GJB3: variants seen among roughly 807,000 people sequenced by gnomAD.
GJB3 encodes the protein gap junction beta-3 protein.
Under a neutral mutation model 8.1 loss-of-function variants are expected in GJB3, and 6 were observed. That is an observed-to-expected ratio of 0.75 (90% CI 0.41 to 1.47). The LOEUF is 1.47. Among genes scored for constraint, GJB3 ranks in the 40% most tolerant of loss-of-function variants. GJB3 has a pLI of 0.02. For missense variants in GJB3, 348 were observed against 365.6 expected, an observed-to-expected ratio of 0.95 and a Z score of 0.39; for synonymous variants, 137 against 156.4, an observed-to-expected ratio of 0.88 and a Z score of 0.93.
chr1:34,785,068 G>A lies in GJB3; in HGVS notation c.306G>A (p.Glu102=), dbSNP rs368141991. 6.2e-7 allele frequency: 1 copy of A among 1,614,124 alleles called. No individual in the cohort carries two copies. The highest frequency in any genetic ancestry group is 8.5e-7 in the Non-Finnish European group (1 of 1,180,040). ...ILHVAYREER[E]RRHRQKHGDQ... Reference sequence around the variant, plus strand: ...ACGTGGCCTACCGTGAGGAGCGGGAGCGCCGGCACCGCCAGAAACACGGGG... The same window carrying A: ...ACGTGGCCTACCGTGAGGAGCGGGAACGCCGGCACCGCCAGAAACACGGGG... Residue 102 remains glutamate, a synonymous_variant, in exon 2 of 2, where the codon GAG becomes GAA. Transcript: ENST00000373366. The surrounding 1 kb of genome is among the most constrained non-coding windows in gnomAD (Gnocchi z 4.7).
In GJB3 at chr1:34,784,729, TTC is replaced by T; in HGVS notation, c.-25-4_-25-3del. On this transcript the variant is annotated splice_region_variant and splice_polypyrimidine_tract_variant and intron_variant, in intron 1 of 1. Coordinates refer to ENST00000373366, the MANE Select transcript of GJB3 (RefSeq NM_024009.3). ...ATTCATACGATGGTTTTTCCTCTAA[TTC>T]TCTCAGGTAGGCACGGCCCCCACCA... 6.4e-7 allele frequency: 1 copy of T among 1,573,670 alleles called. No homozygotes were observed. Among genetic ancestry groups the T allele is most frequent in the Non-Finnish European group, 8.7e-7 (1 of 1,145,140 alleles).
rs117385606 is a variant in GJB3 at position 34,785,342 on chromosome 1, G to A, written c.580G>A (p.Ala194Thr). The A allele has an allele frequency of 4.0e-4, 645 of 1,613,812 alleles. No individual in the cohort carries two copies. The East Asian group carries it at 7.4e-3, about 19-fold the overall frequency. The part of the protein sequence containing the change: ...KKIFTYFMVG[A>T]SAVCIVLTIC... The stretch of plus-strand genomic sequence containing the variant: ...AATCTTCACCTACTTCATGGTGGGC[G>A]CCTCCGCCGTCTGCATCGTACTCAC... The change falls in exon 2 of 2, where the codon GCC becomes ACC. Residue 194 changes from alanine to threonine, a missense_variant. Transcript: ENST00000373366. This position sits in a 1 kb window ranked among gnomAD's most constrained non-coding sequence, Gnocchi z 4.7.
At chr1:34,783,108 C>T (rs896584320) in intron 1 of GJB3, among the ~76,000 whole-genome samples, 1 of 152,104 alleles carries the variant, frequency 6.6e-6, no homozygotes, top group East Asian at 1.9e-4. Context: ...ATTAGGTGGG[C>T]ATAGTGGTGT....
In GJB3 at chr1:34,784,869, A is replaced by G. The variant is rs1365567703; in HGVS notation, c.107A>G (p.Tyr36Cys). Reference sequence around the variant, plus strand: ...GTGTTCGTCTTCCGGGTGCTGGTATACGTGGTGGCTGCAGAGCGCGTGTGG... The same window carrying G: ...GTGTTCGTCTTCCGGGTGCTGGTATGCGTGGTGGCTGCAGAGCGCGTGTGG... Reference protein sequence around the residue: ...SVVFVFRVLVYVVAAERVWGD... With the variant: ...SVVFVFRVLVCVVAAERVWGD... The change falls in exon 2 of 2, where the codon TAC (tyrosine) becomes TGC (cysteine). Residue 36 changes from tyrosine (Y) to cysteine (C), a missense_variant. Physicochemically the swap from Tyr to Cys is radical, Grantham distance 194. Coordinates refer to ENST00000373366, the MANE Select transcript of GJB3 (RefSeq NM_024009.3). The G allele has an allele frequency of 6.2e-7, 1 of 1,614,042 alleles. No homozygotes were observed. Among genetic ancestry groups the G allele is most frequent in the Non-Finnish European group, 8.5e-7 (1 of 1,180,024 alleles).
Position 34,781,534 on chromosome 1 carries a change from GCCC to G in GJB3, c.-267_-265del, listed in dbSNP as rs1292269501. ...GACAGCCCAGCCCATGGCCACCGATGCCCCCATTTCACGCCTGAGGAAGCGGAG... is the reference window on the plus strand; with the variant it reads ...GACAGCCCAGCCCATGGCCACCGATGCCATTTCACGCCTGAGGAAGCGGAG... On this transcript the variant is annotated 5_prime_UTR_variant, in exon 1 of 2. Transcript: ENST00000373366. This position sits in a 1 kb window ranked among gnomAD's most constrained non-coding sequence, Gnocchi z 6.2. 5 of 152,382 alleles carry G rather than the reference GCCC, an allele frequency of 3.3e-5. No individual in the cohort carries two copies. Among genetic ancestry groups the G allele is most frequent in the Admixed American group, 1.3e-4 (2 of 15,290 alleles). The allele number at this position is 152,382 out of a possible 1,614,324, so 9.4% of individuals were successfully genotyped here.
intron 1 of GJB3, among the ~76,000 whole-genome samples, chr1:34,783,754 G>C (rs1230948000): frequency 6.6e-6 from 1 of 152,152 alleles, no homozygotes; most frequent in East Asian, 1.9e-4. Flanking sequence ...CAGCAGCACA[G>C]AAACAAGGCA....
At position 34,781,666 on chromosome 1, in the gene GJB3, G is replaced by C. The variant is rs1640011649; in HGVS notation, c.-138G>C. On this transcript the variant is annotated 5_prime_UTR_variant, in exon 1 of 2. Transcript: ENST00000373366. This position sits in a 1 kb window ranked among gnomAD's most constrained non-coding sequence, Gnocchi z 6.2. ...CTGCTCCCTCCTCCGCGCCGCCCGGGGTGTGCCCGCCGTCTGTGTGCACCA... is the reference window on the plus strand; with the variant it reads ...CTGCTCCCTCCTCCGCGCCGCCCGGCGTGTGCCCGCCGTCTGTGTGCACCA... The C allele has an allele frequency of 6.6e-6, 1 of 152,628 alleles. No individual in the cohort carries two copies. The highest frequency in any genetic ancestry group is 2.4e-5 in the African/African-American group (1 of 41,462). 9.5% of individuals were successfully genotyped at this position (152,628 alleles called of 1,614,324 possible).
At position 34,781,650 on chromosome 1, in the gene GJB3, C is replaced by T. The variant is rs892259346; in HGVS notation, c.-154C>T. ...AGGAGCCGGCTCCCTCCTGCTCCCT[C>T]CTCCGCGCCGCCCGGGGTGTGCCCG... On this transcript the variant is annotated 5_prime_UTR_variant, in exon 1 of 2. Coordinates refer to ENST00000373366, the MANE Select transcript of GJB3 (RefSeq NM_024009.3). The surrounding 1 kb of genome is among the most constrained non-coding windows in gnomAD (Gnocchi z 6.2). 4 of 152,622 alleles carry T rather than the reference C, an allele frequency of 2.6e-5. No individual in the cohort carries two copies. Among genetic ancestry groups the T allele is most frequent in the African/African-American group, 9.6e-5 (4 of 41,462 alleles). 9.5% of individuals were successfully genotyped at this position (152,622 alleles called of 1,614,324 possible).
At chr1:34,782,740 C>T (rs1191609811) in intron 1 of GJB3, among the ~76,000 whole-genome samples, 1 of 152,070 alleles carries the variant, frequency 6.6e-6, no homozygotes, top group Non-Finnish European at 1.5e-5. Flanking sequence ...CCAGAGGAAA[C>T]GCAGCCAGGA....
intron 1 of GJB3, among the ~76,000 whole-genome samples, chr1:34,783,382 T>C (rs1165622207): frequency 3.3e-5 from 5 of 152,122 alleles, no homozygotes; most frequent in Admixed American, 3.3e-4. Context: ...TCCACCCATG[T>C]GAGGTTCTGG....
In GJB3 at chr1:34,785,103, C is replaced by T. The variant is rs770903071; in HGVS notation, c.341C>T (p.Ala114Val). The change falls in exon 2 of 2, where the codon GCC becomes GTC. Residue 114 changes from alanine (A) to valine (V), a missense_variant. Transcript: ENST00000373366. The surrounding 1 kb of genome is among the most constrained non-coding windows in gnomAD (Gnocchi z 4.7). ...CGCCAGAAACACGGGGACCAGTGCG[C>T]CAAGCTGTACGACAACGCAGGCAAG... ...RHRQKHGDQC[A>V]KLYDNAGKKH... 1.5e-4 allele frequency: 241 copies of T among 1,613,872 alleles called. No individual in the cohort carries two copies. Among genetic ancestry groups the T allele is most frequent in the Non-Finnish European group, 1.9e-4 (227 of 1,179,972 alleles).
chr1:34,782,363 GC>G (rs1310811968), intron 1 of GJB3: 1 of 152,250 alleles, frequency 6.6e-6, no homozygotes, highest in East Asian at 1.9e-4. Context: ...GGTGGAAGCA[GC>G]CGTCAGGGTC....
chr1:34,785,561 C>G lies in GJB3; in HGVS notation c.799C>G (p.Leu267Val). ...CAAGCTGCAGGCTTCAGCACCCAAC[C>G]TGACCCCCATCTGACCACAGGGCAG... is the stretch of plus-strand genomic sequence containing the variant. ...NNKLQASAPN[L>V]TPI The change falls in exon 2 of 2, where the codon CTG becomes GTG. Residue 267 changes from leucine to valine, a missense_variant. By Grantham distance (32) the Leu-to-Val change is conservative (BLOSUM62 1). Transcript: ENST00000373366. The surrounding 1 kb of genome is among the most constrained non-coding windows in gnomAD (Gnocchi z 4.7). 6.2e-7 allele frequency: 1 copy of G among 1,613,942 alleles called. No homozygotes were observed. The highest frequency in any genetic ancestry group is 8.5e-7 in the Non-Finnish European group (1 of 1,179,890).
In GJB3 at chr1:34,781,969, A is replaced by G. The variant is rs1475009684; in HGVS notation, c.-26+191A>G. ...CCTCTCGCCTCTCAATTCTGGGCCC[A>G]TTAGGGGTCCCGGCTGCGGGAAGGT... On this transcript the variant is annotated intron_variant, in intron 1 of 1. Coordinates refer to ENST00000373366, the MANE Select transcript of GJB3 (RefSeq NM_024009.3). The surrounding 1 kb of genome is among the most constrained non-coding windows in gnomAD (Gnocchi z 6.2). 2.6e-5 allele frequency among the ~76,000 whole-genome samples: 4 copies of G among 152,118 alleles called. No homozygotes were observed. The highest frequency in any genetic ancestry group is 6.5e-5 in the Admixed American group (1 of 15,288).
chr1:34,782,382 GCT>G (rs980601057), intron 1 of GJB3: 2 of 152,176 alleles, frequency 1.3e-5, no homozygotes, highest in Admixed American at 6.5e-5. Flanking sequence ...GTCCCTCTCT[GCT>G]CTCTGTCCGG....
At chr1:34,782,861 C>T (rs541408426) in intron 1 of GJB3, among the ~76,000 whole-genome samples, 84 of 152,226 alleles carry the variant, frequency 5.5e-4, no homozygotes, top group Non-Finnish European at 8.1e-4. Flanking sequence ...TGCCCACCCT[C>T]CTGTCCCCTC....
At position 34,785,628 on chromosome 1, in the gene GJB3, G is replaced by A. The variant is rs476220; in HGVS notation, c.*53G>A. 606,949 of 1,425,270 alleles carry A rather than the reference G, an allele frequency of 0.43. 134,629 individuals carry two copies. The highest frequency in any genetic ancestry group is 0.62 in the African/African-American group (44,166 of 71,080). 88.3% of individuals were successfully genotyped at this position (1,425,270 alleles called of 1,614,324 possible). ...GGGCTGCCAATGGGACATGCAGGGC[G>A]GTGTGGCAGGTGGAGAGGTCCTACA... is the stretch of plus-strand genomic sequence containing the variant. On this transcript the variant is annotated 3_prime_UTR_variant, in exon 2 of 2. Transcript: ENST00000373366. This position sits in a 1 kb window ranked among gnomAD's most constrained non-coding sequence, Gnocchi z 4.7.
intron 1 of GJB3, among the ~76,000 whole-genome samples, chr1:34,783,891 G>A (rs1019177757): frequency 1.3e-5 from 2 of 152,140 alleles, no homozygotes; most frequent in Non-Finnish European, 2.9e-5. Flanking sequence ...TGTGGCTGGG[G>A]GTGGCTGGGC....
In GJB3 at chr1:34,785,045, G is replaced by T; in HGVS notation, c.283G>T (p.Val95Leu). The change falls in exon 2 of 2, where the codon GTG becomes TTG. Residue 95 changes from valine to leucine, a missense_variant. By Grantham distance (32) the Val-to-Leu change is conservative. Transcript: ENST00000373366. This position sits in a 1 kb window ranked among gnomAD's most constrained non-coding sequence, Gnocchi z 4.7. ...TCPSLLVILH[V>L]AYREERERRH... ...CCCCTCGCTGCTGGTCATCCTGCACGTGGCCTACCGTGAGGAGCGGGAGCG... is the reference window on the plus strand; with the variant it reads ...CCCCTCGCTGCTGGTCATCCTGCACTTGGCCTACCGTGAGGAGCGGGAGCG... 6.2e-7 allele frequency: 1 copy of T among 1,614,106 alleles called. No individual in the cohort carries two copies.
Sources: gnomAD v4.1 joint callset for allele counts (sites outside exome capture counted in the v4.1 genomes callset) on GRCh38, gnomAD v4.1.1 for gene constraint, Gnocchi (gnomAD v3.1) non-coding constraint, MANE v1.5 for transcripts, NCBI Gene and HGNC (gene_info 2026-07-23, HGNC 2026-07-21) for gene names.